TEP1: variants seen among roughly 807,000 people sequenced by gnomAD.
TEP1 encodes the protein telomerase associated protein 1.
A neutral mutation model predicts 306.3 loss-of-function variants in TEP1; 241 were observed. That is an observed-to-expected ratio of 0.79 (90% CI 0.71 to 0.88). The LOEUF (loss-of-function observed/expected upper bound fraction) is 0.88, where lower values mean the gene tolerates loss of function less well. TEP1 is among the 40% of genes least tolerant of loss of function. The pLI, the probability that TEP1 is intolerant of heterozygous loss-of-function variation, is 0.00. For missense variants in TEP1, 3,051 were observed against 3,276.1 expected, an observed-to-expected ratio of 0.93 and a Z score of 1.68; for synonymous variants, 1,289 against 1,305.5, an observed-to-expected ratio of 0.99 and a Z score of 0.27.
intron 49 of TEP1, 84 bp from the exon 50 acceptor site, chr14:20,371,716 A>C: frequency 1.4e-6 from 2 of 1,456,320 alleles, no homozygotes; most frequent in Non-Finnish European, 1.8e-6. Context: ...TGAATTCCTC[A>C]GGAATGAAGT....
In TEP1 at chr14:20,385,087, C is replaced by A. The variant is rs1194160234; in HGVS notation, c.3005G>T (p.Arg1002Leu). 3 of 1,614,054 alleles carry A rather than the reference C, an allele frequency of 1.9e-6. No individual in the cohort carries two copies. The highest frequency in any genetic ancestry group is 1.1e-5 in the South Asian group (1 of 91,076). Residue 1002 changes from arginine (R) to leucine (L), a missense_variant, in exon 21 of 55, where the codon CGC (arginine) becomes CTC (leucine). Around this residue, in one of 3 missense-constraint regions of TEP1, gnomAD observed 1,507 missense variants for 1,550.5 expected, o/e 0.97. Coordinates refer to ENST00000262715, the MANE Select transcript of TEP1 (RefSeq NM_007110.5). ...CATCACCTCCATCTCTGTCACAGAG[C>A]GCCCTGAAGGGTACTGCTGGGCCTG... ...FHWAQQYPSG[R>L]SVTEMEVMQF...
intron 12 of TEP1, 28 bp downstream of exon 12, chr14:20,395,422 C>T (rs768574728): frequency 1.3e-6 from 2 of 1,539,122 alleles, no homozygotes; most frequent in Admixed American, 3.6e-5. Flanking sequence ...GATTGCCCAC[C>T]CTTGGCTCCC....
Position 20,378,570 on chromosome 14 carries a change from G to C in TEP1, c.5353-35C>G, listed in dbSNP as rs10151816. On this transcript the variant is annotated intron_variant, in intron 37 of 54. Transcript: ENST00000262715. ...AGAGAGGAGGAATCAGGATGCTGAA[G>C]AGAGATGCCTGAACTTCTCAGTCCC... 14,882 of 1,613,522 alleles carry C rather than the reference G, an allele frequency of 9.2e-3. 1,146 individuals carry two copies. The African/African-American group carries it at 0.17, about 18-fold the overall frequency.
intron 5 of TEP1, 57 bp from the exon 6 acceptor site, chr14:20,403,941 C>T (rs1490781206): frequency 1.2e-6 from 2 of 1,609,134 alleles, no homozygotes; most frequent in African/African-American, 1.3e-5. Flanking sequence ...CCCTCCAAAA[C>T]AAAACGAGAT....
chr14:20,380,916 A>T lies in TEP1; in HGVS notation c.4762+15T>A. The T allele has an allele frequency of 6.2e-7, 1 of 1,605,652 alleles. No homozygotes were observed. The highest frequency in any genetic ancestry group is 8.5e-7 in the Non-Finnish European group (1 of 1,172,392). On this transcript the variant is annotated intron_variant, in intron 33 of 54. Transcript: ENST00000262715. ...CCATATCTCAGAGAAGAACCCAGCC[A>T]GTGACTCATCTCACCATAGAGGGCA...
In TEP1 at chr14:20,381,164, A is replaced by C; in HGVS notation, c.4648-119T>G. 1 of 1,208,836 alleles carries C rather than the reference A, an allele frequency of 8.3e-7. No individual in the cohort carries two copies. Among genetic ancestry groups the C allele is most frequent in the South Asian group, 1.2e-5 (1 of 81,146 alleles). 74.9% of individuals were successfully genotyped at this position (1,208,836 alleles called of 1,614,324 possible). ...AGCTGGGACAAAGGACTTGAAGAAG[A>C]AGGGCAGGAAAACTGAAAGGAAAGA... On this transcript the variant is annotated intron_variant, in intron 32 of 54. Coordinates refer to ENST00000262715, the MANE Select transcript of TEP1 (RefSeq NM_007110.5). The surrounding 1 kb of genome is among the most constrained non-coding windows in gnomAD (Gnocchi z 4.0).
At position 20,387,906 on chromosome 14, in the gene TEP1, C is replaced by T. The variant is rs1168035545; in HGVS notation, c.2683G>A (p.Gly895Arg). ...AAAGGCATAGAAACACAGACTGACC[C>T]TTGCTGGGAAACAGGAGCCAAGGGG... Reference protein sequence around the residue: ...PSPLAPVSQQGWRSIRLFISS... With the variant: ...PSPLAPVSQQRWRSIRLFISS... The change falls in exon 18 of 55, where the codon GGA becomes AGA. Residue 895 changes from glycine (G) to arginine (R), a missense_variant and splice_region_variant. This residue lies in a region of TEP1 where 1,507 missense variants were observed against 1,550.5 expected (regional missense o/e 0.97). Transcript: ENST00000262715. 3 of 1,603,302 alleles carry T rather than the reference C, an allele frequency of 1.9e-6. No homozygotes were observed. The highest frequency in any genetic ancestry group is 1.8e-5 in the Admixed American group (1 of 56,676).
chr14:20,387,409 G>A (rs532728221), intron 18 of TEP1, among the ~76,000 whole-genome samples: 7 of 150,884 alleles, frequency 4.6e-5, no homozygotes, highest in South Asian at 2.1e-4. Flanking sequence ...AAAATTAGCC[G>A]GGCATGGTGG....
At chr14:20,401,644 A>C (rs1878764538) in intron 7 of TEP1, 63 bp from the exon 8 acceptor site, 1 of 1,594,862 alleles carries the variant, frequency 6.3e-7, no homozygotes, top group African/African-American at 1.4e-5. Flanking sequence ...AACTTTCTTC[A>C]ATAAAGCAGA....
intron 1 of TEP1, among the ~76,000 whole-genome samples, chr14:20,409,255 ACTGTCCTGATTTTCTT>A (rs1879443448): frequency 6.6e-6 from 1 of 152,200 alleles, no homozygotes; most frequent in Non-Finnish European, 1.5e-5. Context: ...CCATGATGCT[ACTGTCCTGATTTTCTT>A]CTTAAAACTA....
rs57766160 is a variant in TEP1 at position 20,371,081 on chromosome 14, T to C, written c.7317+137A>G. The C allele has an allele frequency of 6.5e-3, 4,485 of 695,314 alleles. 156 individuals are homozygous for C. In the African/African-American group the frequency reaches 0.072, roughly 11 times the overall value. 43.1% of individuals were successfully genotyped at this position (695,314 alleles called of 1,614,324 possible). ...AATACACAATGTCCTAAATTAGAACTGCTCCAGTTGAAGGAGGATAAGAGG... is the reference window on the plus strand; with the variant it reads ...AATACACAATGTCCTAAATTAGAACCGCTCCAGTTGAAGGAGGATAAGAGG... On this transcript the variant is annotated intron_variant, in intron 51 of 54. Coordinates refer to ENST00000262715, the MANE Select transcript of TEP1 (RefSeq NM_007110.5).
At position 20,391,517 on chromosome 14, in the gene TEP1, C is replaced by T. The variant is rs562441240; in HGVS notation, c.2097+82G>A. ...AGTCTGAGTGTTTGCCTGGGAAAAC[C>T]AGCTCTGGGAACAGGATACTGCTCA... is the stretch of plus-strand genomic sequence containing the variant. On this transcript the variant is annotated intron_variant, in intron 13 of 54. Coordinates refer to ENST00000262715, the MANE Select transcript of TEP1 (RefSeq NM_007110.5). 243 of 1,473,766 alleles carry T rather than the reference C, an allele frequency of 1.6e-4. No individual in the cohort carries two copies. In the East Asian group the frequency reaches 4.4e-3, roughly 27 times the overall value. The allele number at this position is 1,473,766 out of a possible 1,614,324, so 91.3% of individuals were successfully genotyped here.
chr14:20,378,184 C>T lies in TEP1; in HGVS notation c.5561G>A (p.Gly1854Glu), dbSNP rs563213330. Residue 1854 changes from glycine to glutamate, a missense_variant, in exon 39 of 55, where the codon GGG becomes GAG. Physicochemically the swap from Gly to Glu is moderately conservative, Grantham distance 98. Around this residue, in one of 3 missense-constraint regions of TEP1, gnomAD observed 1,540 missense variants for 1,705.9 expected, o/e 0.90. Coordinates refer to ENST00000262715, the MANE Select transcript of TEP1 (RefSeq NM_007110.5). ...CAGCCGGCCCACAGCCACAACCCCC[C>T]CAGGCACATTGAAGGCCAAGGTACG... is the stretch of plus-strand genomic sequence containing the variant. Reference protein sequence around the residue: ...SIRTLAFNVPGGVVAVGRLDS... With the variant: ...SIRTLAFNVPEGVVAVGRLDS... 8 of 1,613,862 alleles carry T rather than the reference C, an allele frequency of 5.0e-6. No homozygotes were observed. The highest frequency in any genetic ancestry group is 4.4e-5 in the South Asian group (4 of 91,084).
In TEP1 at chr14:20,386,058, A is replaced by G. The variant is rs1416346758; in HGVS notation, c.2982+17T>C. The G allele has an allele frequency of 6.3e-7, 1 of 1,586,898 alleles. No homozygotes were observed. The highest frequency in any genetic ancestry group is 2.3e-5 in the East Asian group (1 of 43,822). On this transcript the variant is annotated intron_variant, in intron 20 of 54. Transcript: ENST00000262715. The stretch of plus-strand genomic sequence containing the variant: ...TTTGCTTCCTCCCCAGCCCTCCTCC[A>G]AACCTGTCTGCCTTACCCAGTGGAA...
chr14:20,411,185 G>C (rs926785711), intron 1 of TEP1, among the ~76,000 whole-genome samples: 2 of 152,112 alleles, frequency 1.3e-5, no homozygotes, highest in African/African-American at 4.8e-5. Context: ...GCTCCCCTCT[G>C]CATCTTCAGC....
chr14:20,377,880 A>C, intron 39 of TEP1, 127 bp from the exon 40 acceptor site: 1 of 1,434,710 alleles, frequency 7.0e-7, no homozygotes, highest in East Asian at 2.3e-5. Flanking sequence ...CTGCCCCTGC[A>C]CACAGCGGCA....
chr14:20,372,955 A>G, intron 48 of TEP1, 56 bp downstream of exon 48: 1 of 1,613,706 alleles, frequency 6.2e-7, no homozygotes, highest in Non-Finnish European at 8.5e-7. Context: ...CGCCCAGTAA[A>G]TACACAGCCA....
At position 20,378,419 on chromosome 14, in the gene TEP1, G is replaced by A; in HGVS notation, c.5469C>T (p.Ser1823=). ...QVIATGSWAG[S]ISFFQVDGLK... ...GCCCATCCACCTGGAAGAAGCTGAT[G>A]CTGCCAGCCCAGCTGCCTGTGGCTA... Residue 1823 remains serine (S), a synonymous_variant, in exon 38 of 55, where the codon AGC becomes AGT. Coordinates refer to ENST00000262715, the MANE Select transcript of TEP1 (RefSeq NM_007110.5). 1 of 1,614,204 alleles carries A rather than the reference G, an allele frequency of 6.2e-7. No homozygotes were observed. The highest frequency in any genetic ancestry group is 1.1e-5 in the South Asian group (1 of 91,086).
At chr14:20,394,444 C>T (rs1279185586) in intron 12 of TEP1, among the ~76,000 whole-genome samples, 1 of 144,888 alleles carries the variant, frequency 6.9e-6, no homozygotes, top group East Asian at 2.1e-4. Flanking sequence ...TTGGTCAGTA[C>T]ACAAATACCA....
Sources: allele counts gnomAD v4.1 joint callset (sites outside exome capture counted in the v4.1 genomes callset), GRCh38; gene constraint gnomAD v4.1.1; regional missense constraint gnomAD v4.1.1; non-coding constraint Gnocchi (gnomAD v3.1); transcripts MANE v1.5; gene names NCBI Gene and HGNC (gene_info 2026-07-23, HGNC 2026-07-21).